Variants in TRIP4 observed in about 807,000 individuals in gnomAD.
The protein encoded by TRIP4 is activating signal cointegrator 1.
In TRIP4, 54 loss-of-function variants were observed where a neutral mutation model predicts 81.8. The observed-to-expected ratio is 0.66, with a 90% CI of 0.53 to 0.83. TRIP4 has a LOEUF of 0.83. Among genes scored for constraint, TRIP4 ranks in the 40% least tolerant of loss-of-function variants. The pLI, the probability that TRIP4 is intolerant of heterozygous loss-of-function variation, is 0.00. For missense variants in TRIP4, 662 were observed against 683.6 expected, an observed-to-expected ratio of 0.97 and a Z score of 0.35; for synonymous variants, 270 against 242.8, an observed-to-expected ratio of 1.11 and a Z score of -1.04.
At position 64,425,577 on chromosome 15, in the gene TRIP4, T is replaced by G. The variant is rs747608761; in HGVS notation, c.1521T>G (p.Leu507=). The stretch of plus-strand genomic sequence containing the variant: ...CTAATGACTATCCGTCAGGTTGTCT[T>G]CTGGGCTGTGTGGACCTAATTGACT... The part of the protein sequence containing the change: ...EFPNDYPSGC[L]LGCVDLIDCL... The change falls in exon 11 of 13, where the codon CTT becomes CTG. Residue 507 remains leucine (L), a synonymous_variant. Coordinates refer to ENST00000261884, the MANE Select transcript of TRIP4 (RefSeq NM_016213.5). The G allele has an allele frequency of 6.2e-7, 1 of 1,613,230 alleles. No homozygotes were observed. Among genetic ancestry groups the G allele is most frequent in the Non-Finnish European group, 8.5e-7 (1 of 1,179,656 alleles).
At chr15:64,411,822 A>G (rs1403932671) in intron 7 of TRIP4, among the ~76,000 whole-genome samples, 1 of 151,792 alleles carries the variant, frequency 6.6e-6, no homozygotes, top group Non-Finnish European at 1.5e-5. Context: ...TGGGACTACC[A>G]ACGCCCGCCA....
Position 64,418,656 on chromosome 15 carries a change from A to G in TRIP4, c.1286A>G (p.Glu429Gly), listed in dbSNP as rs2140297452. Residue 429 changes from glutamate (E) to glycine (G), a missense_variant, in exon 9 of 13, where the codon GAA (glutamate) becomes GGA (glycine). By Grantham distance (98) the Glu-to-Gly change is moderately conservative. Transcript: ENST00000261884. Reference sequence around the variant, plus strand: ...CGAATCCAGGATCAAGAATTTCAGGAAGGCTTTGATGGTGGCTGGTGCCTC... The same window carrying G: ...CGAATCCAGGATCAAGAATTTCAGGGAGGCTTTGATGGTGGCTGGTGCCTC... ...QLRIQDQEFQ[E>G]GFDGGWCLSV... 1 of 1,614,052 alleles carries G rather than the reference A, an allele frequency of 6.2e-7. No homozygotes were observed. Among genetic ancestry groups the G allele is most frequent in the East Asian group, 2.2e-5 (1 of 44,884 alleles).
rs756272257 is a variant in TRIP4, at chr15:64,418,752, C to T, written c.1358+24C>T. On this transcript the variant is annotated intron_variant, in intron 9 of 12. Coordinates refer to ENST00000261884, the MANE Select transcript of TRIP4 (RefSeq NM_016213.5). ...AGGTAAGAATAAAAATGAATCTGGGCAGTGGAAGATCTTAGAGTGACATAA... is the reference window on the plus strand; with the variant it reads ...AGGTAAGAATAAAAATGAATCTGGGTAGTGGAAGATCTTAGAGTGACATAA... 3 of 1,583,832 alleles carry T rather than the reference C, an allele frequency of 1.9e-6. No homozygotes were observed. In the Admixed American group the frequency reaches 5.7e-5, roughly 30 times the overall value.
intron 8 of TRIP4, 125 bp downstream of exon 8, chr15:64,414,336 C>A: frequency 7.8e-7 from 1 of 1,282,586 alleles, no homozygotes. Context: ...TACCAATCAG[C>A]TCTCTCAACA....
chr15:64,392,669 T>C (rs1201891526), intron 1 of TRIP4, among the ~76,000 whole-genome samples: 1 of 152,100 alleles, frequency 6.6e-6, no homozygotes, highest in East Asian at 1.9e-4. Context: ...CAGGCTGGAA[T>C]GTAGTGGTGC....
At chr15:64,438,683 T>C (rs192296918) in intron 11 of TRIP4, among the ~76,000 whole-genome samples, 7 of 152,306 alleles carry the variant, frequency 4.6e-5, no homozygotes, top group African/African-American at 1.7e-4. Context: ...TTGTCATGAG[T>C]GGGTGATTCC....
chr15:64,433,060 A>G (rs1022534211), intron 11 of TRIP4, among the ~76,000 whole-genome samples: 7 of 152,196 alleles, frequency 4.6e-5, no homozygotes, highest in African/African-American at 1.2e-4. Flanking sequence ...CTAGGTAGAT[A>G]TGTATATAAA....
At chr15:64,452,918 C>A (rs1307463950) in intron 12 of TRIP4, among the ~76,000 whole-genome samples, 2 of 152,020 alleles carry the variant, frequency 1.3e-5, no homozygotes, top group African/African-American at 4.8e-5. Flanking sequence ...TGGTGGCTCA[C>A]GCCTGTAATC....
chr15:64,446,528 C>A (rs1475531965), intron 12 of TRIP4, among the ~76,000 whole-genome samples: 1 of 150,334 alleles, frequency 6.7e-6, no homozygotes, highest in Non-Finnish European at 1.5e-5. Context: ...CCTCACCCTC[C>A]CGAGTAGCTG....
intron 7 of TRIP4, among the ~76,000 whole-genome samples, chr15:64,412,515 A>G (rs566461892): frequency 4.6e-5 from 7 of 151,322 alleles, no homozygotes; most frequent in African/African-American, 7.3e-5. Flanking sequence ...TTCATCATCT[A>G]TACGGCTTTC....
chr15:64,442,716 G>C (rs1462315633), intron 11 of TRIP4, among the ~76,000 whole-genome samples: 1 of 151,980 alleles, frequency 6.6e-6, no homozygotes, highest in Admixed American at 6.6e-5. Flanking sequence ...AGCCAGGCAC[G>C]GTGGCTCACG....
In TRIP4 at chr15:64,418,720, G is replaced by C. The variant is rs528560596; in HGVS notation, c.1350G>C (p.Gly450=). 6.2e-7 allele frequency: 1 copy of C among 1,607,300 alleles called. No individual in the cohort carries two copies. The highest frequency in any genetic ancestry group is 1.3e-5 in the African/African-American group (1 of 74,750). ...HQPWASLLVR[G]IKRVEGRSWY... Reference sequence around the variant, plus strand: ...CCTGGGCTTCTCTGCTTGTCAGAGGGATTAAAAGGTAAGAATAAAAATGAA... The same window carrying C: ...CCTGGGCTTCTCTGCTTGTCAGAGGCATTAAAAGGTAAGAATAAAAATGAA... Residue 450 remains glycine (G), a synonymous_variant, in exon 9 of 13, where the codon GGG becomes GGC. Coordinates refer to ENST00000261884, the MANE Select transcript of TRIP4 (RefSeq NM_016213.5).
intron 9 of TRIP4, among the ~76,000 whole-genome samples, chr15:64,422,567 A>G (rs961837240): frequency 1.3e-5 from 2 of 152,192 alleles, no homozygotes; most frequent in African/African-American, 4.8e-5. Flanking sequence ...CTCCAGGATG[A>G]TCAAAACCTT....
intron 7 of TRIP4, among the ~76,000 whole-genome samples, chr15:64,413,875 TG>T (rs1419833732): frequency 1.3e-5 from 2 of 152,218 alleles, no homozygotes; most frequent in African/African-American, 4.8e-5. Flanking sequence ...AGTGAGCCAC[TG>T]TGCCTGGCCA....
At chr15:64,418,339 T>A (rs1891931642) in intron 8 of TRIP4, among the ~76,000 whole-genome samples, 1 of 152,244 alleles carries the variant, frequency 6.6e-6, no homozygotes, top group South Asian at 2.1e-4. Context: ...CTAGAACTCC[T>A]GACCTCAAGT....
intron 4 of TRIP4, among the ~76,000 whole-genome samples, chr15:64,400,534 T>C (rs1319538989): frequency 1.3e-5 from 2 of 151,672 alleles, no homozygotes; most frequent in African/African-American, 4.8e-5. Flanking sequence ...GATATAAGTT[T>C]TTTGTTTGGG....
intron 1 of TRIP4, among the ~76,000 whole-genome samples, chr15:64,388,506 A>T (rs976718542): frequency 2.0e-5 from 3 of 151,932 alleles, no homozygotes; most frequent in Admixed American, 2.0e-4. Flanking sequence ...TCAGTGTTTC[A>T]CCATGTTGGC....
intron 9 of TRIP4, among the ~76,000 whole-genome samples, chr15:64,419,077 T>C (rs990735575): frequency 6.6e-6 from 1 of 152,204 alleles, no homozygotes; most frequent in East Asian, 1.9e-4. Flanking sequence ...CTTTGGAATA[T>C]ACTACTAAGC....
chr15:64,401,457 G>C (rs1324374101), intron 5 of TRIP4, among the ~76,000 whole-genome samples: 1 of 151,902 alleles, frequency 6.6e-6, no homozygotes, highest in Non-Finnish European at 1.5e-5. Context: ...TTTTTAGTAG[G>C]GGTGGGGTTT....
Sources: gnomAD v4.1 joint callset for allele counts (sites outside exome capture counted in the v4.1 genomes callset) on GRCh38, gnomAD v4.1.1 for gene constraint, MANE v1.5 for transcripts, NCBI Gene and HGNC (gene_info 2026-07-23, HGNC 2026-07-21) for gene names.